Variants in TCF7L2 observed in about 807,000 individuals in gnomAD.
The protein encoded by TCF7L2 is transcription factor 7 like 2.
Under a neutral mutation model 77.9 loss-of-function variants are expected in TCF7L2, and 23 were observed. The observed-to-expected ratio is 0.30, with a 90% CI of 0.21 to 0.42. TCF7L2 has a LOEUF of 0.42. Ranked by LOEUF, TCF7L2 falls within the 10% of genes least tolerant of loss-of-function variation. The probability of loss-of-function intolerance (pLI) is 1.00; values close to 1 mark genes in which losing one functional copy is unlikely to be tolerated. For missense variants in TCF7L2, 654 were observed against 793.1 expected, an observed-to-expected ratio of 0.82 and a Z score of 2.11; for synonymous variants, 413 against 340.2, an observed-to-expected ratio of 1.21 and a Z score of -2.36.
intron 5 of TCF7L2, among the ~76,000 whole-genome samples, chr10:113,095,311 A>T (rs886327994): frequency 3.3e-5 from 5 of 152,090 alleles, no homozygotes; most frequent in African/African-American, 9.7e-5. Context: ...GGGCCGGCAA[A>T]TTCAACTCCT....
chr10:113,128,535 T>G (rs1362201873), intron 5 of TCF7L2, among the ~76,000 whole-genome samples: 1 of 152,160 alleles, frequency 6.6e-6, no homozygotes, highest in African/African-American at 2.4e-5. Context: ...AAACCAAATC[T>G]TTGCCACTGG....
At chr10:113,158,896 TTTTAA>T in intron 12 of TCF7L2, among the ~76,000 whole-genome samples, 179 bp downstream of exon 13, 1 of 152,140 alleles carries the variant, frequency 6.6e-6, no homozygotes, top group Non-Finnish European at 1.5e-5. Context: ...TGTTTTTTTT[TTTTAA>T]TTTAACCTTT....
intron 4 of TCF7L2, among the ~76,000 whole-genome samples, chr10:113,030,246 C>CG (rs1455756279): frequency 6.6e-6 from 1 of 152,172 alleles, no homozygotes; most frequent in Non-Finnish European, 1.5e-5. Context: ...TGTCAGTACT[C>CG]CATTTGTTTT....
chr10:113,143,802 A>C lies in TCF7L2; in HGVS notation c.686-121A>C, dbSNP rs1592252667. On this transcript the variant is annotated intron_variant, in intron 6 of 13. Coordinates refer to ENST00000627217, the MANE Select transcript of TCF7L2 (RefSeq NM_001146274.2). Reference sequence around the variant, plus strand: ...ACTCAGGATTTATAATCATGAATGAACCTTGTGCTAGGATTCCAGAAGAGA... The same window carrying C: ...ACTCAGGATTTATAATCATGAATGACCCTTGTGCTAGGATTCCAGAAGAGA... 4.5e-6 allele frequency: 3 copies of C among 674,108 alleles called. No individual in the cohort carries two copies. In the East Asian group the frequency reaches 8.4e-5, roughly 19 times the overall value. 41.8% of individuals were successfully genotyped at this position (674,108 alleles called of 1,614,324 possible). A position where few individuals can be genotyped will look rare whatever the true frequency, so the allele number is the denominator to read the frequency against.
intron 5 of TCF7L2, among the ~76,000 whole-genome samples, chr10:113,133,789 A>G (rs1267925352): frequency 6.6e-6 from 1 of 152,168 alleles, no homozygotes; most frequent in Non-Finnish European, 1.5e-5. Flanking sequence ...GATTCCAGAG[A>G]GGGAGAGGGA....
At chr10:113,069,562 T>C (rs1473569911) in intron 5 of TCF7L2, among the ~76,000 whole-genome samples, 1 of 152,136 alleles carries the variant, frequency 6.6e-6, no homozygotes, top group Non-Finnish European at 1.5e-5. Context: ...TTATTTCTGC[T>C]TGCCTAACCC....
At chr10:113,161,304 C>T (rs2137494821) in intron 13 of TCF7L2, 1 of 485,530 alleles carries the variant, frequency 2.1e-6, no homozygotes. Flanking sequence ...GTGAGTCATG[C>T]AGTCTCAGAC....
At chr10:113,124,772 T>C (rs1331472103) in intron 5 of TCF7L2, among the ~76,000 whole-genome samples, 1 of 151,578 alleles carries the variant, frequency 6.6e-6, no homozygotes, top group Non-Finnish European at 1.5e-5. Context: ...CGTTTTCTGC[T>C]ACTGGGCTGA....
intron 4 of TCF7L2, among the ~76,000 whole-genome samples, chr10:113,022,518 A>C (rs2048420171): frequency 6.6e-6 from 1 of 152,190 alleles, no homozygotes; most frequent in East Asian, 1.9e-4. Context: ...CTGGTTAACT[A>C]GGAAGACTTT....
chr10:113,138,893 A>C (rs575458445), intron 5 of TCF7L2, among the ~76,000 whole-genome samples: 1 of 152,188 alleles, frequency 6.6e-6, no homozygotes, highest in South Asian at 2.1e-4. Flanking sequence ...AGGATTGGGG[A>C]ATCTGAATGA....
chr10:112,950,300 T>G lies in TCF7L2; in HGVS notation c.-457T>G. Reference sequence around the variant, plus strand: ...CGTTCCTCCGGATTTCGATCCCCCTTTTTCTATCTGTCAATCAGCGCCGCC... The same window carrying G: ...CGTTCCTCCGGATTTCGATCCCCCTGTTTCTATCTGTCAATCAGCGCCGCC... On this transcript the variant is annotated 5_prime_UTR_variant, in exon 1 of 14. Transcript: ENST00000627217. 4.4e-6 allele frequency: 1 copy of G among 228,198 alleles called. No individual in the cohort carries two copies. Among genetic ancestry groups the G allele is most frequent in the East Asian group, 6.7e-5 (1 of 15,028 alleles). 14.1% of individuals were successfully genotyped at this position (228,198 alleles called of 1,614,324 possible). A position where few individuals can be genotyped will look rare whatever the true frequency, so the allele number is the denominator to read the frequency against.
At chr10:112,979,929 A>G (rs2040170790) in intron 4 of TCF7L2, among the ~76,000 whole-genome samples, 2 of 152,234 alleles carry the variant, frequency 1.3e-5, no homozygotes, top group Admixed American at 6.5e-5. Flanking sequence ...CATTTAGCCC[A>G]TGATTTGACC....
At chr10:112,988,852 T>C (rs1009261060) in intron 4 of TCF7L2, among the ~76,000 whole-genome samples, 23 of 152,214 alleles carry the variant, frequency 1.5e-4, no homozygotes, top group Admixed American at 6.5e-5. Flanking sequence ...AGTTTCTCTA[T>C]ATATGGACAT....
intron 5 of TCF7L2, among the ~76,000 whole-genome samples, chr10:113,094,766 A>G (rs1450749786): frequency 6.6e-6 from 1 of 152,236 alleles, no homozygotes; most frequent in Non-Finnish European, 1.5e-5. Context: ...ACTAATGATT[A>G]TCCCTCCTGT....
At chr10:112,986,018 G>A (rs1206301358) in intron 4 of TCF7L2, among the ~76,000 whole-genome samples, 7 of 152,064 alleles carry the variant, frequency 4.6e-5, no homozygotes, top group Non-Finnish European at 1.0e-4. Context: ...CTTCAAAGAC[G>A]AGGGAGTAAA....
intron 4 of TCF7L2, among the ~76,000 whole-genome samples, chr10:112,994,149 T>G (rs1268470544): frequency 1.3e-5 from 2 of 152,062 alleles, no homozygotes; most frequent in Non-Finnish European, 2.9e-5. Flanking sequence ...ATTTTCTGTA[T>G]AGTCACAGAT....
chr10:113,149,101 G>T (rs2070171147), intron 8 of TCF7L2, among the ~76,000 whole-genome samples: 1 of 152,130 alleles, frequency 6.6e-6, no homozygotes. Context: ...AGTAAAAGCT[G>T]CCACCCACCA....
intron 5 of TCF7L2, 32 bp downstream of exon 5, chr10:113,040,158 T>C: frequency 6.3e-7 from 1 of 1,587,914 alleles, no homozygotes; most frequent in Non-Finnish European, 8.6e-7. Flanking sequence ...ATGGCTTCCT[T>C]TATTGAGGGG....
intron 4 of TCF7L2, among the ~76,000 whole-genome samples, chr10:113,006,199 C>T (rs1297614211): frequency 4.6e-5 from 7 of 151,638 alleles, no homozygotes; most frequent in African/African-American, 7.2e-5. Context: ...TAATGAAAGT[C>T]GTCCCATAAG....
Sources: allele counts gnomAD v4.1 joint callset (sites outside exome capture counted in the v4.1 genomes callset), GRCh38; gene constraint gnomAD v4.1.1; transcripts MANE v1.5; gene names NCBI Gene and HGNC (gene_info 2026-07-23, HGNC 2026-07-21).